The following KCNN2 variants were observed in gnomAD, a reference collection of about 807,000 sequenced individuals.
KCNN2 encodes the protein potassium calcium-activated channel subfamily N member 2, also known as small conductance calcium-activated potassium channel protein 2.
KCNN2 carries 24 observed loss-of-function variants against 55.5 expected under a neutral mutation model. The observed-to-expected ratio is 0.43, with a 90% CI of 0.31 to 0.61. KCNN2 has a LOEUF of 0.61. Ranked by LOEUF, KCNN2 falls within the 20% of genes least tolerant of loss-of-function variation. KCNN2 has a pLI of 0.08. For missense variants in KCNN2, 754 were observed against 853.6 expected (o/e 0.88, Z 1.45); for synonymous variants, 431 against 336.1 (o/e 1.28, Z -3.09).
At chr5:114,212,817 A>C (rs1676818365) in intron 1 of KCNN2, among the ~76,000 whole-genome samples, 1 of 152,072 alleles carries the variant, frequency 6.6e-6, no homozygotes, top group Non-Finnish European at 1.5e-5. Context: ...TCCAGATTAT[A>C]GGTCTTGTCT....
chr5:114,450,538 C>G (rs1214281017), intron 3 of KCNN2, among the ~76,000 whole-genome samples: 1 of 152,144 alleles, frequency 6.6e-6, no homozygotes, highest in Non-Finnish European at 1.5e-5. Flanking sequence ...TTTGATTTCC[C>G]AGAAAGTATC....
intron 1 of KCNN2, among the ~76,000 whole-genome samples, chr5:114,155,242 T>C (rs1329025480): frequency 6.6e-6 from 1 of 152,212 alleles, no homozygotes; most frequent in African/African-American, 2.4e-5. Flanking sequence ...GGTTGCATAG[T>C]ATTCTATGGT....
Position 114,449,050 on chromosome 5 carries a change from T to C in KCNN2, c.1638-13999T>C, listed in dbSNP as rs1760535833. Among the ~76,000 whole-genome samples, 4 of 152,280 alleles carry C rather than the reference T, an allele frequency of 2.6e-5. No individual in the cohort carries two copies. In the South Asian group the frequency reaches 8.3e-4, roughly 32 times the overall value. On this transcript the variant is annotated intron_variant, in intron 3 of 7. Transcript: ENST00000673685. The stretch of plus-strand genomic sequence containing the variant: ...TGCTAGTGTTGGTAGGAGAGGCAGC[T>C]GAGGGGGCCCAAAAATGAAATGGCA...
intron 1 of KCNN2, among the ~76,000 whole-genome samples, chr5:114,075,219 T>C (rs1445767790): frequency 3.9e-5 from 6 of 152,212 alleles, no homozygotes. Flanking sequence ...CTCATGAATT[T>C]CTTTAAGGTG....
intron 7 of KCNN2, among the ~76,000 whole-genome samples, chr5:114,493,852 T>C (rs1484139157): frequency 6.6e-6 from 1 of 152,164 alleles, no homozygotes; most frequent in Non-Finnish European, 1.5e-5. Context: ...GACTCATCAA[T>C]TAAATTTTGT....
At chr5:114,159,703 G>C (rs890798189) in intron 1 of KCNN2, among the ~76,000 whole-genome samples, 10 of 152,282 alleles carry the variant, frequency 6.6e-5, no homozygotes, top group Admixed American at 5.2e-4. Flanking sequence ...TCTATTCAGA[G>C]ATTCAACTTC....
intron 2 of KCNN2, among the ~76,000 whole-genome samples, chr5:114,309,880 G>T (rs1287704095): frequency 6.6e-6 from 1 of 152,152 alleles, no homozygotes; most frequent in Non-Finnish European, 1.5e-5. Flanking sequence ...AACCCTGAAG[G>T]GATAGGTTGG....
intron 6 of KCNN2, chr5:114,490,690 G>A (rs1455220694): frequency 7.5e-6 from 3 of 397,904 alleles, no homozygotes; most frequent in Admixed American, 8.8e-5. Flanking sequence ...AATGAAAATA[G>A]AGCTCGGAAG....
At chr5:114,135,138 T>G (rs986151917) in intron 1 of KCNN2, among the ~76,000 whole-genome samples, 2 of 77,970 alleles carry the variant, frequency 2.6e-5, no homozygotes, top group African/African-American at 1.0e-4. Context: ...CTTAAGCCAA[T>G]AGCGAAGAAA....
At chr5:114,346,650 T>G (rs111939422) in intron 2 of KCNN2, among the ~76,000 whole-genome samples, 2 of 152,094 alleles carry the variant, frequency 1.3e-5, no homozygotes, top group Admixed American at 6.6e-5. Flanking sequence ...TCTGTGTGTA[T>G]GGGTTCATAT....
chr5:114,143,721 G>T (rs981226943), intron 1 of KCNN2, among the ~76,000 whole-genome samples: 8 of 152,270 alleles, frequency 5.3e-5, no homozygotes, highest in Admixed American at 2.0e-4. Context: ...TGGCAGTCCA[G>T]CCTGGCATTG....
chr5:114,379,540 A>AT (rs1216753889), intron 2 of KCNN2, among the ~76,000 whole-genome samples: 125 of 52,972 alleles, frequency 2.4e-3, no homozygotes, highest in African/African-American at 9.5e-3. Context: ...CATATTATAT[A>AT]TTATAGAATA....
intron 2 of KCNN2, among the ~76,000 whole-genome samples, chr5:114,304,925 G>A (rs1484957134): frequency 6.6e-6 from 1 of 152,178 alleles, no homozygotes; most frequent in Non-Finnish European, 1.5e-5. Flanking sequence ...CCTTGGAGAG[G>A]ATGACTCTGC....
At position 114,215,060 on chromosome 5, in the gene KCNN2, C is replaced by T. The variant is rs182425966; in HGVS notation, c.-270-6420C>T. On this transcript the variant is annotated intron_variant, in intron 1 of 10. Transcript: ENST00000512097. ...AGGCTTAGGAGGGAGGAGGAGTGTA[C>T]TGATTTGGTGACAAGAATGTTTTGC... Among the ~76,000 whole-genome samples the T allele has an allele frequency of 3.9e-5, 6 of 152,124 alleles. No individual in the cohort carries two copies. In the East Asian group the frequency reaches 9.7e-4, roughly 25 times the overall value.
At chr5:114,326,995 C>T (rs958626974) in intron 2 of KCNN2, among the ~76,000 whole-genome samples, 3 of 152,154 alleles carry the variant, frequency 2.0e-5, no homozygotes, top group African/African-American at 7.2e-5. Context: ...GTTCAAAAAG[C>T]AGACAGATTA....
chr5:114,112,381 G>T (rs919008223), intron 1 of KCNN2, among the ~76,000 whole-genome samples: 3 of 152,134 alleles, frequency 2.0e-5, no homozygotes, highest in African/African-American at 7.2e-5. Flanking sequence ...TAATGTAAAT[G>T]ATGAGTTGCT....
intron 2 of KCNN2, among the ~76,000 whole-genome samples, chr5:114,229,765 A>T (rs1222721559): frequency 6.6e-6 from 1 of 152,178 alleles, no homozygotes; most frequent in Non-Finnish European, 1.5e-5. Flanking sequence ...GGTACTAATA[A>T]GAAAAACAAG....
intron 2 of KCNN2, among the ~76,000 whole-genome samples, chr5:114,349,784 G>A (rs943212809): frequency 7.2e-5 from 11 of 151,924 alleles, no homozygotes; most frequent in African/African-American, 2.7e-4. Flanking sequence ...GTGAAATGTT[G>A]AGTAAAATGG....
chr5:114,320,618 A>G (rs949924906), intron 2 of KCNN2, among the ~76,000 whole-genome samples: 1 of 151,796 alleles, frequency 6.6e-6, no homozygotes, highest in African/African-American at 2.4e-5. Context: ...TGTCTCAAAA[A>G]AAAAAAAAAA....
Sources: allele counts gnomAD v4.1 joint callset (sites outside exome capture counted in the v4.1 genomes callset), GRCh38; gene constraint gnomAD v4.1.1; transcripts MANE v1.5; gene names NCBI Gene and HGNC (gene_info 2026-07-23, HGNC 2026-07-21).